The following CCNG1 variants were observed in gnomAD, a reference collection of about 807,000 sequenced individuals.
CCNG1 encodes cyclin G1, also known as cyclin-G1.
CCNG1 carries 13 observed loss-of-function variants against 30.0 expected under a neutral mutation model. The observed-to-expected ratio is 0.43, with a 90% CI of 0.28 to 0.69. CCNG1 has a LOEUF of 0.69. Ranked by LOEUF, CCNG1 falls within the 30% of genes least tolerant of loss-of-function variation. The pLI is 0.16. For missense variants in CCNG1, 285 were observed against 331.4 expected, an observed-to-expected ratio of 0.86 and a Z score of 1.09; for synonymous variants, 110 against 121.5, an observed-to-expected ratio of 0.91 and a Z score of 0.62.
chr5:163,455,658 G>A, the CCNG1 span, among the ~76,000 whole-genome samples: 1 of 151,946 alleles, frequency 6.6e-6, no homozygotes, highest in East Asian at 1.9e-4. Flanking sequence ...CAGCTACTCG[G>A]GAGGCTGAGG....
At position 163,439,536 on chromosome 5, in the gene CCNG1, C is replaced by T. The variant is rs1414320992; in HGVS notation, c.264+16C>T. 4 of 1,600,520 alleles carry T rather than the reference C, an allele frequency of 2.5e-6. No individual in the cohort carries two copies. The South Asian group carries it at 3.4e-5, about 13-fold the overall frequency. On this transcript the variant is annotated intron_variant, in intron 2 of 6. Transcript: ENST00000340828. ...TAAAATGAAGGTATGTTTGAAGCTA[C>T]ATTTTTGTAATTTTGCTCAGTGTGT...
chr5:163,443,964 T>G lies in CCNG1; in HGVS notation c.*294T>G. 4.6e-6 allele frequency: 2 copies of G among 432,220 alleles called. No homozygotes were observed. Among genetic ancestry groups the G allele is most frequent in the Non-Finnish European group, 4.1e-6 (1 of 243,130 alleles). 26.8% of individuals were successfully genotyped at this position (432,220 alleles called of 1,614,324 possible). Reference sequence around the variant, plus strand: ...CTTCATTTCTATCATTGATCTAACTTTAGATATTGGATCAATATATTTAGG... The same window carrying G: ...CTTCATTTCTATCATTGATCTAACTGTAGATATTGGATCAATATATTTAGG... On this transcript the variant is annotated 3_prime_UTR_variant, in exon 7 of 7. Coordinates refer to ENST00000340828, the MANE Select transcript of CCNG1 (RefSeq NM_004060.4).
Position 163,443,824 on chromosome 5 carries a change from T to G in CCNG1, c.*154T>G, listed in dbSNP as rs1206535614. ...TCAGACTTGGGAAAACTGCCTAATATTATGCTGTAGTGGAATTATGTTTAG... is the reference window on the plus strand; with the variant it reads ...TCAGACTTGGGAAAACTGCCTAATAGTATGCTGTAGTGGAATTATGTTTAG... On this transcript the variant is annotated 3_prime_UTR_variant, in exon 7 of 7. Coordinates refer to ENST00000340828, the MANE Select transcript of CCNG1 (RefSeq NM_004060.4). 1.3e-6 allele frequency: 1 copy of G among 742,318 alleles called. No homozygotes were observed. Among genetic ancestry groups the G allele is most frequent in the Non-Finnish European group, 2.2e-6 (1 of 458,322 alleles). The allele number at this position is 742,318 out of a possible 1,614,324, so 46.0% of individuals were successfully genotyped here. A position where few individuals can be genotyped will look rare whatever the true frequency, so the allele number is the denominator to read the frequency against.
At chr5:163,438,997 G>A (rs532135803) in intron 1 of CCNG1, among the ~76,000 whole-genome samples, 9 of 141,614 alleles carry the variant, frequency 6.4e-5, no homozygotes, top group Non-Finnish European at 1.3e-4. Context: ...CTGTACTCCA[G>A]CCTGGCAACA....
At chr5:163,439,601 A>T in intron 2 of CCNG1, 81 bp downstream of exon 2, 1 of 1,288,746 alleles carries the variant, frequency 7.8e-7, no homozygotes, top group Non-Finnish European at 1.1e-6. Flanking sequence ...GGTATTCATA[A>T]ACTTGACCTT....
the CCNG1 span, chr5:163,451,583 C>T: frequency 6.6e-6 from 1 of 152,196 alleles, no homozygotes; most frequent in Non-Finnish European, 1.5e-5. Context: ...AAAATAGCCT[C>T]TTCCCCCGAC....
At chr5:163,445,840 T>A (rs1051919353), downstream of CCNG1, 1 of 152,130 alleles carries the variant, frequency 6.6e-6, no homozygotes, top group South Asian at 2.1e-4. Context: ...GCATTATTAA[T>A]CCCTTTTATC....
chr5:163,455,329 T>C, the CCNG1 span, among the ~76,000 whole-genome samples: 1 of 152,274 alleles, frequency 6.6e-6, no homozygotes, highest in East Asian at 1.9e-4. Context: ...CAGGCCAGTA[T>C]GGCAAAAGCA....
chr5:163,443,662 T>G lies in CCNG1; in HGVS notation c.*4-12T>G. The stretch of plus-strand genomic sequence containing the variant: ...TTAAGTTGGATTTTGTTTGTTTTCT[T>G]TATTTAAATAGGATTATTACAGCAC... On this transcript the variant is annotated splice_polypyrimidine_tract_variant and intron_variant, in intron 6 of 6. Coordinates refer to ENST00000340828, the MANE Select transcript of CCNG1 (RefSeq NM_004060.4). 1.4e-6 allele frequency: 2 copies of G among 1,481,158 alleles called. No homozygotes were observed. Among genetic ancestry groups the G allele is most frequent in the Non-Finnish European group, 1.8e-6 (2 of 1,098,056 alleles). The allele number at this position is 1,481,158 out of a possible 1,614,324, so 91.8% of individuals were successfully genotyped here. A position where few individuals can be genotyped will look rare whatever the true frequency, so the allele number is the denominator to read the frequency against.
In CCNG1 at chr5:163,441,092, C is replaced by T; in HGVS notation, c.279C>T (p.His93=). ...TGATTTTTTAGGTACAGCCCAAGCA[C>T]CTTGGGTGTGTTGGACTGAGCTGCT... ...FLSKMKVQPK[H]LGCVGLSCFY... The change falls in exon 3 of 7, where the codon CAC becomes CAT. Residue 93 remains histidine (H), a synonymous_variant. Transcript: ENST00000340828. 6.2e-7 allele frequency: 1 copy of T among 1,613,706 alleles called. No individual in the cohort carries two copies. The highest frequency in any genetic ancestry group is 8.5e-7 in the Non-Finnish European group (1 of 1,179,782).
At chr5:163,454,629 T>C in the CCNG1 span, among the ~76,000 whole-genome samples, 4 of 152,300 alleles carry the variant, frequency 2.6e-5, no homozygotes, top group Non-Finnish European at 4.4e-5. Context: ...GCGTGAGCCA[T>C]GGCGCCCAGC....
the CCNG1 span, among the ~76,000 whole-genome samples, chr5:163,455,049 C>G: frequency 1.3e-5 from 2 of 151,366 alleles, no homozygotes; most frequent in African/African-American, 4.9e-5. Context: ...TATACGTATC[C>G]TAGAAAAGCT....
At chr5:163,439,194 T>G (rs1757670725) in intron 1 of CCNG1, 63 bp from the exon 2 acceptor site, 3 of 1,448,148 alleles carry the variant, frequency 2.1e-6, no homozygotes, top group African/African-American at 2.8e-5. Flanking sequence ...AGTGCAAAGA[T>G]GGCCAAGGAA....
At position 163,442,053 on chromosome 5, in the gene CCNG1, G is replaced by A. The variant is rs1176255285; in HGVS notation, c.606G>A (p.Val202=). The change falls in exon 5 of 7, where the codon GTG becomes GTA. Residue 202 remains valine (V), a synonymous_variant. Coordinates refer to ENST00000340828, the MANE Select transcript of CCNG1 (RefSeq NM_004060.4). ...AAATTTATCTCTTTTAGCCTTCTGT[G>A]TTGGCATTGTCTATCATTGCATTAG... ...RIIFSKAKPS[V]LALSIIALEI... 6.2e-7 allele frequency: 1 copy of A among 1,611,096 alleles called. No individual in the cohort carries two copies. Among genetic ancestry groups the A allele is most frequent in the East Asian group, 2.2e-5 (1 of 44,756 alleles).
At chr5:163,448,931 T>A (rs1406776851), downstream of CCNG1, 1 of 152,112 alleles carries the variant, frequency 6.6e-6, no homozygotes, top group East Asian at 1.9e-4. Context: ...AACAACAAAT[T>A]AATAGATGGG....
At chr5:163,454,632 C>T in the CCNG1 span, among the ~76,000 whole-genome samples, 2 of 152,198 alleles carry the variant, frequency 1.3e-5, no homozygotes, top group African/African-American at 4.8e-5. Flanking sequence ...TGAGCCATGG[C>T]GCCCAGCCTA....
chr5:163,442,002 C>A, intron 4 of CCNG1, 38 bp downstream of exon 4: 2 of 1,579,312 alleles, frequency 1.3e-6, no homozygotes, highest in Non-Finnish European at 8.7e-7. Context: ...TTGATATGAT[C>A]TGTTTTTATA....
At chr5:163,439,055 C>T in intron 1 of CCNG1, 1 of 509,468 alleles carries the variant, frequency 2.0e-6, no homozygotes, top group Non-Finnish European at 3.4e-6. Flanking sequence ...TGGTTCCTTC[C>T]CTCTAGGAAC....
chr5:163,447,135 C>T (rs190882275), downstream of CCNG1: 1 of 152,008 alleles, frequency 6.6e-6, no homozygotes, highest in Admixed American at 6.5e-5. Context: ...AGTGTAAGCA[C>T]TTATTATCAG....
Sources: allele counts gnomAD v4.1 joint callset (sites outside exome capture counted in the v4.1 genomes callset), GRCh38; gene constraint gnomAD v4.1.1; transcripts MANE v1.5; gene names NCBI Gene and HGNC (gene_info 2026-07-23, HGNC 2026-07-21).